The following LRRC4C variants were observed in gnomAD, a reference collection of about 807,000 sequenced individuals.
LRRC4C encodes the protein leucine rich repeat containing 4C.
A neutral mutation model predicts 33.6 loss-of-function variants in LRRC4C; 5 were observed. The ratio of observed to expected loss-of-function variants is 0.15; its 90% confidence interval spans 0.08 to 0.31. The LOEUF is 0.31. LRRC4C is among the 10% of genes least tolerant of loss of function. The probability of loss-of-function intolerance (pLI) is 1.00; values close to 1 mark genes in which losing one functional copy is unlikely to be tolerated. For synonymous variants in LRRC4C, 329 were observed against 302.0 expected (o/e 1.09, Z -0.93); for missense variants, 560 against 796.7 (o/e 0.70, Z 3.58).
chr11:40,812,791 A>G (rs1951547360), intron 2 of LRRC4C, among the ~76,000 whole-genome samples: 1 of 152,156 alleles, frequency 6.6e-6, no homozygotes, highest in African/African-American at 2.4e-5. Context: ...ATCAAAGAGT[A>G]AGGCACCAAA....
chr11:41,218,256 T>C (rs886417283), intron 1 of LRRC4C, among the ~76,000 whole-genome samples: 2 of 152,030 alleles, frequency 1.3e-5, no homozygotes, highest in Non-Finnish European at 2.9e-5. Flanking sequence ...AAGTGAACAA[T>C]CCTTGTCAGT....
intron 1 of LRRC4C, among the ~76,000 whole-genome samples, chr11:41,244,095 T>C (rs1357160858): frequency 6.6e-6 from 1 of 152,154 alleles, no homozygotes; most frequent in African/African-American, 2.4e-5. Flanking sequence ...ATTTCCACTA[T>C]GAAGGCCAGA....
intron 3 of LRRC4C, among the ~76,000 whole-genome samples, chr11:40,452,736 G>A (rs1372010099): frequency 6.6e-6 from 1 of 152,176 alleles, no homozygotes; most frequent in Non-Finnish European, 1.5e-5. Flanking sequence ...GCACATGTAT[G>A]TTTACTGCAG....
chr11:40,175,479 A>C (rs1860401133), intron 5 of LRRC4C, among the ~76,000 whole-genome samples: 1 of 152,208 alleles, frequency 6.6e-6, no homozygotes, highest in African/African-American at 2.4e-5. Flanking sequence ...CACAAAGAGA[A>C]AAAATTCAAG....
intron 1 of LRRC4C, among the ~76,000 whole-genome samples, chr11:41,101,356 T>C (rs1220014866): frequency 6.6e-6 from 1 of 152,038 alleles, no homozygotes; most frequent in Admixed American, 6.6e-5. Flanking sequence ...CAGATACTTC[T>C]CAAAAGGAGA....
chr11:40,882,325 TA>T (rs968699322), intron 2 of LRRC4C, among the ~76,000 whole-genome samples: 3 of 151,588 alleles, frequency 2.0e-5, no homozygotes, highest in African/African-American at 7.3e-5. Context: ...CTCTTGAGAA[TA>T]AAAAAAAGGT....
At chr11:40,883,662 G>A (rs1955294241) in intron 2 of LRRC4C, among the ~76,000 whole-genome samples, 1 of 151,750 alleles carries the variant, frequency 6.6e-6, no homozygotes, top group African/African-American at 2.4e-5. Context: ...TAAGCATTTA[G>A]AGCTTTATAA....
intron 1 of LRRC4C, among the ~76,000 whole-genome samples, chr11:41,401,138 G>A (rs1565643606): frequency 6.6e-6 from 1 of 152,014 alleles, no homozygotes; most frequent in East Asian, 1.9e-4. Flanking sequence ...GACAATCTAG[G>A]ACAGCAGAAG....
At chr11:40,720,728 AT>A (rs1489105623) in intron 2 of LRRC4C, among the ~76,000 whole-genome samples, 2 of 152,240 alleles carry the variant, frequency 1.3e-5, no homozygotes, top group East Asian at 3.9e-4. Flanking sequence ...GACTCTTTCT[AT>A]TTTTCCCCCC....
At chr11:40,946,789 C>T (rs1184327976) in intron 1 of LRRC4C, among the ~76,000 whole-genome samples, 1 of 152,154 alleles carries the variant, frequency 6.6e-6, no homozygotes, top group Non-Finnish European at 1.5e-5. Context: ...TAACAGAGCA[C>T]TGCATCCATC....
chr11:41,283,450 T>G (rs914500512), intron 1 of LRRC4C, among the ~76,000 whole-genome samples: 2 of 152,186 alleles, frequency 1.3e-5, no homozygotes, highest in Non-Finnish European at 2.9e-5. Context: ...GTCTGCAGCC[T>G]GTTTTTGAAA....
intron 5 of LRRC4C, among the ~76,000 whole-genome samples, chr11:40,217,946 T>C (rs1387729815): frequency 2.0e-5 from 3 of 152,256 alleles, no homozygotes; most frequent in Non-Finnish European, 2.9e-5. Flanking sequence ...AAGGGGGCAT[T>C]ATAATATCCC....
rs76554061 is a variant in LRRC4C, at chr11:40,868,059, G to A, written c.-407+65576C>T. Among the ~76,000 whole-genome samples, 68 of 152,254 alleles carry A rather than the reference G, an allele frequency of 4.5e-4. No homozygotes were observed. In the East Asian group the frequency reaches 0.013, roughly 29 times the overall value. On this transcript the variant is annotated intron_variant, in intron 2 of 6. Coordinates refer to ENST00000528697, the MANE Select transcript of LRRC4C (RefSeq NM_001258419.2). ...GGGCTCCAGAATTTTTATACACGTAGTACTTAGGATTAGTCATCTGGTTTT... is the reference window on the plus strand; with the variant it reads ...GGGCTCCAGAATTTTTATACACGTAATACTTAGGATTAGTCATCTGGTTTT...
intron 4 of LRRC4C, among the ~76,000 whole-genome samples, chr11:40,294,585 T>C (rs183170209): frequency 3.4e-4 from 52 of 152,136 alleles, no homozygotes; most frequent in Middle Eastern, 3.4e-3. Flanking sequence ...TCCCAGCCCT[T>C]TGGGAGGCCA....
intron 1 of LRRC4C, among the ~76,000 whole-genome samples, chr11:41,099,577 A>T (rs1941036411): frequency 1.3e-5 from 2 of 152,302 alleles, no homozygotes; most frequent in African/African-American, 4.8e-5. Flanking sequence ...CATATACAGA[A>T]ATATAGACAA....
chr11:41,088,626 G>A (rs944061254), intron 1 of LRRC4C, among the ~76,000 whole-genome samples: 1 of 152,074 alleles, frequency 6.6e-6, no homozygotes, highest in Non-Finnish European at 1.5e-5. Flanking sequence ...CTCTCAAAGT[G>A]ATAAGTTGAG....
At chr11:40,790,936 T>C (rs918475606) in intron 2 of LRRC4C, among the ~76,000 whole-genome samples, 2 of 152,200 alleles carry the variant, frequency 1.3e-5, no homozygotes, top group African/African-American at 4.8e-5. Context: ...AATGCTTCCA[T>C]TGATACTCCT....
intron 1 of LRRC4C, among the ~76,000 whole-genome samples, chr11:41,045,272 T>C (rs1857693187): frequency 6.6e-6 from 1 of 152,112 alleles, no homozygotes; most frequent in Non-Finnish European, 1.5e-5. Flanking sequence ...CAGTTAAATT[T>C]CAAGACCATG....
At chr11:41,269,267 G>T (rs1949245923) in intron 1 of LRRC4C, among the ~76,000 whole-genome samples, 1 of 50,540 alleles carries the variant, frequency 2.0e-5, no homozygotes, top group African/African-American at 7.9e-5. Context: ...GAAGCAAATT[G>T]GGCTCCTTTT....
Sources: gnomAD v4.1 joint callset for allele counts (sites outside exome capture counted in the v4.1 genomes callset) on GRCh38, gnomAD v4.1.1 for gene constraint, MANE v1.5 for transcripts, NCBI Gene and HGNC (gene_info 2026-07-23, HGNC 2026-07-21) for gene names.